UPP2: variants seen among roughly 807,000 people sequenced by gnomAD.
UPP2 encodes the protein uridine phosphorylase 2, also known as UPase 2.
In UPP2, 23 loss-of-function variants were observed where a neutral mutation model predicts 26.7. The ratio of observed to expected loss-of-function variants is 0.86; its 90% CI spans 0.62 to 1.22. The LOEUF is 1.22. Among genes scored for constraint, UPP2 ranks in the 50% most tolerant of loss-of-function variants. The probability of loss-of-function intolerance (pLI) is 0.00; values close to 1 mark genes in which losing one functional copy is unlikely to be tolerated. For synonymous variants in UPP2, 127 were observed against 141.3 expected, an observed-to-expected ratio of 0.90 and a Z score of 0.72; for missense variants, 387 against 396.7, an observed-to-expected ratio of 0.98 and a Z score of 0.21.
At position 158,010,543 on chromosome 2, in the gene UPP2, C is replaced by T. The variant is rs188216471; in HGVS notation, c.62-5258C>T. ...GTTACGGGCATAAGTGGAATCCTCCCTTTTACCTTTCCTAGTAGGCTGAAT... is the reference window on the plus strand; with the variant it reads ...GTTACGGGCATAAGTGGAATCCTCCTTTTTACCTTTCCTAGTAGGCTGAAT... On this transcript the variant is annotated intron_variant, in intron 2 of 9. Coordinates refer to the UPP2 transcript ENST00000605860. Among the ~76,000 whole-genome samples the T allele has an allele frequency of 2.0e-4, 31 of 152,278 alleles. No homozygotes were observed. The South Asian group carries it at 5.6e-3, about 27-fold the overall frequency.
At chr2:158,020,208 A>T (rs1445583238) in intron 3 of UPP2, among the ~76,000 whole-genome samples, 1 of 152,162 alleles carries the variant, frequency 6.6e-6, no homozygotes, top group Non-Finnish European at 1.5e-5. Context: ...GTGTTTTCGA[A>T]GTGTTTGAGT....
At chr2:158,020,297 A>C (rs1683729332) in intron 3 of UPP2, among the ~76,000 whole-genome samples, 1 of 152,110 alleles carries the variant, frequency 6.6e-6, no homozygotes, top group South Asian at 2.1e-4. Context: ...TCCTTTGCAA[A>C]GTGGCGTTAG....
At chr2:158,006,005 G>A (rs952119594) in intron 2 of UPP2, among the ~76,000 whole-genome samples, 1 of 152,124 alleles carries the variant, frequency 6.6e-6, no homozygotes, top group Non-Finnish European at 1.5e-5. Flanking sequence ...ATTACACTGC[G>A]CAGCTACAGT....
At chr2:158,036,838 A>C (rs1239085981) in intron 3 of UPP2, among the ~76,000 whole-genome samples, 1 of 152,210 alleles carries the variant, frequency 6.6e-6, no homozygotes, top group Non-Finnish European at 1.5e-5. Flanking sequence ...AAAATTTCAC[A>C]TTTCCAAATG....
intron 3 of UPP2, among the ~76,000 whole-genome samples, chr2:158,051,084 A>G (rs927292693): frequency 6.6e-6 from 1 of 151,932 alleles, no homozygotes; most frequent in African/African-American, 2.4e-5. Flanking sequence ...ACACATAAAC[A>G]TTATATAAAT....
Position 158,121,436 on chromosome 2 carries a change from C to T in UPP2, c.482C>T (p.Thr161Met), listed in dbSNP as rs781145130. Residue 161 changes from threonine (T) to methionine (M), a missense_variant, in exon 5 of 7, where the codon ACG becomes ATG. By Grantham distance (81) the Thr-to-Met change is moderately conservative (BLOSUM62 -1). Coordinates refer to ENST00000005756, the MANE Select transcript of UPP2 (RefSeq NM_173355.4). ...ATTGCACCAGGGACTGTTGTAATAA[C>T]GGATATAGCTGTAGACTCCTTCTTT... ...IGIAPGTVVI[T>M]DIAVDSFFKP... 60 of 1,613,002 alleles carry T rather than the reference C, an allele frequency of 3.7e-5. 1 individual carries two copies. The South Asian group carries it at 4.6e-4, about 12-fold the overall frequency.
rs376593768 is a variant in UPP2 at position 158,103,571 on chromosome 2, GA to G, written c.62+1447del. Among the ~76,000 whole-genome samples the G allele has an allele frequency of 3.3e-5, 5 of 152,290 alleles. No homozygotes were observed. In the South Asian group the frequency reaches 8.3e-4, roughly 25 times the overall value. On this transcript the variant is annotated intron_variant, in intron 1 of 6. Transcript: ENST00000005756. ...CAATGAGACTCTTTTATAGAGTAAT[GA>G]TTCATAGATTCAGTTAGGAATCCAA...
chr2:158,069,040 T>C (rs576751291), intron 3 of UPP2, among the ~76,000 whole-genome samples: 5 of 151,306 alleles, frequency 3.3e-5, no homozygotes, highest in East Asian at 2.0e-4. Flanking sequence ...GATGGTCTCC[T>C]GACCTCGTGA....
In UPP2 at chr2:158,042,137, C is replaced by T. The variant is rs192293398; in HGVS notation, c.147+26251C>T. 6.2e-4 allele frequency among the ~76,000 whole-genome samples: 95 copies of T among 152,264 alleles called. 1 individual carries two copies. The highest frequency in any genetic ancestry group is 1.6e-3 in the African/African-American group (68 of 41,552). On this transcript the variant is annotated intron_variant, in intron 3 of 9. Coordinates refer to the UPP2 transcript ENST00000605860. ...GACCATTTTGAAGCAGGCACAGGTG[C>T]GCCAGGCATAGAAAAAAGTTCCCCA...
intron 2 of UPP2, among the ~76,000 whole-genome samples, chr2:158,109,598 G>T (rs1051325709): frequency 6.6e-6 from 1 of 152,144 alleles, no homozygotes; most frequent in Admixed American, 6.6e-5. Context: ...AGATTTCTAT[G>T]GGCTAGGACT....
At chr2:158,109,501 T>C (rs186024482) in intron 2 of UPP2, among the ~76,000 whole-genome samples, 37 of 152,332 alleles carry the variant, frequency 2.4e-4, no homozygotes, top group Admixed American at 2.0e-3. Flanking sequence ...AAGGCATAAA[T>C]TGCTGTTTCC....
intron 3 of UPP2, among the ~76,000 whole-genome samples, chr2:158,035,993 C>G (rs1683994836): frequency 6.6e-6 from 1 of 152,162 alleles, no homozygotes; most frequent in African/African-American, 2.4e-5. Context: ...TACCAAGCTC[C>G]TGGAGATGTT....
chr2:158,010,763 CTT>C (rs34328148), intron 2 of UPP2, among the ~76,000 whole-genome samples: 1,074 of 82,906 alleles, frequency 0.013, 8 homozygotes, highest in African/African-American at 0.033. Flanking sequence ...CCCTCTTTTT[CTT>C]TTTTTTTTTT....
At chr2:158,118,507 C>T (rs976318861) in intron 4 of UPP2, among the ~76,000 whole-genome samples, 1 of 151,992 alleles carries the variant, frequency 6.6e-6, no homozygotes, top group African/African-American at 2.4e-5. Flanking sequence ...AACCTCCCTT[C>T]TTCTTAGGCC....
intron 2 of UPP2, among the ~76,000 whole-genome samples, chr2:158,002,563 C>T (rs532076311): frequency 1.1e-4 from 16 of 152,360 alleles, no homozygotes; most frequent in Non-Finnish European, 1.0e-4. Context: ...CCATTTGAGA[C>T]AGGTAGGTGA....
At chr2:158,053,606 AT>A (rs1682193757) in intron 3 of UPP2, among the ~76,000 whole-genome samples, 4 of 152,176 alleles carry the variant, frequency 2.6e-5, no homozygotes, top group African/African-American at 9.7e-5. Flanking sequence ...GGAAGGATGG[AT>A]AGGGCTTTGA....
At chr2:158,121,667 T>A in intron 5 of UPP2, 49 bp downstream of exon 5, 1 of 1,487,192 alleles carries the variant, frequency 6.7e-7, no homozygotes, top group Non-Finnish European at 9.3e-7. Context: ...TGCCAGCAAC[T>A]CTTTGTTATT....
chr2:158,029,532 A>G (rs1385900131), intron 3 of UPP2, among the ~76,000 whole-genome samples: 1 of 152,212 alleles, frequency 6.6e-6, no homozygotes, highest in Non-Finnish European at 1.5e-5. Flanking sequence ...TTTATAATAT[A>G]TAGCATATTC....
At chr2:157,995,315 A>G in intron 2 of UPP2, 1 of 1,575,230 alleles carries the variant, frequency 6.3e-7, no homozygotes, top group Non-Finnish European at 8.7e-7. Flanking sequence ...GTCTGGTCAT[A>G]TTCCAAGTCT....
Sources: gnomAD v4.1 joint callset for allele counts (sites outside exome capture counted in the v4.1 genomes callset) on GRCh38, gnomAD v4.1.1 for gene constraint, MANE v1.5 for transcripts, NCBI Gene and HGNC (gene_info 2026-07-23, HGNC 2026-07-21) for gene names.